The following TRRAP variants were observed in gnomAD, a reference collection of about 807,000 sequenced individuals.
TRRAP encodes transformation/transcription domain-associated protein.
Under a neutral mutation model 438.8 loss-of-function variants are expected in TRRAP, and 41 were observed. The observed-to-expected ratio is 0.09, with a 90% CI of 0.07 to 0.12. The LOEUF is 0.12. Among genes scored for constraint, TRRAP ranks in the 10% least tolerant of loss-of-function variants. TRRAP has a pLI of 1.00. For synonymous variants in TRRAP, 1,994 were observed against 1,962.9 expected (o/e 1.02, Z -0.42); for missense variants, 3,122 against 5,055.1 (o/e 0.62, Z 11.60).
intron 67 of TRRAP, among the ~76,000 whole-genome samples, chr7:98,997,178 C>T (rs1411578882): frequency 6.6e-6 from 1 of 151,698 alleles, no homozygotes; most frequent in Non-Finnish European, 1.5e-5. Context: ...TGGTGGCGTG[C>T]GCCTGTAATC....
chr7:99,012,276 A>T lies in TRRAP; in HGVS notation c.11543A>T (p.Lys3848Met). The T allele has an allele frequency of 6.2e-7, 1 of 1,613,784 alleles. No individual in the cohort carries two copies. The highest frequency in any genetic ancestry group is 2.2e-5 in the East Asian group (1 of 44,866). The change falls in exon 73 of 73, where the codon AAG becomes ATG. Residue 3848 changes from lysine (K) to methionine (M), a missense_variant. Physicochemically the swap from Lys to Met is moderately conservative, Grantham distance 95. This residue lies in a region of TRRAP where 192 missense variants were observed against 355.6 expected (regional missense o/e 0.54). Transcript: ENST00000456197. This position sits in a 1 kb window ranked among gnomAD's most constrained non-coding sequence, Gnocchi z 5.9. Reference sequence around the variant, plus strand: ...GCCCAGTTCGAAGGCGGGGAAAGCAAGGTGAACACCCTGGTGGCCGCGGCA... The same window carrying T: ...GCCCAGTTCGAAGGCGGGGAAAGCATGGTGAACACCCTGGTGGCCGCGGCA... ...NLAQFEGGESKVNTLVAAANS... is the reference protein window; with the variant it reads ...NLAQFEGGESMVNTLVAAANS...
At chr7:98,913,489 A>G (rs1789376873) in intron 18 of TRRAP, among the ~76,000 whole-genome samples, 1 of 151,914 alleles carries the variant, frequency 6.6e-6, no homozygotes, top group African/African-American at 2.4e-5. Context: ...GGGTTTCACC[A>G]TGTTGGCCAA....
At chr7:98,945,703 AATAAC>A (rs782286225) in intron 31 of TRRAP, 39 bp from the exon 32 acceptor site, 35 of 1,593,556 alleles carry the variant, frequency 2.2e-5, no homozygotes, top group Non-Finnish European at 3.0e-5. Flanking sequence ...TTTTTATGTA[AATAAC>A]ATAAATAGAA....
rs10692667 is a variant in TRRAP, at chr7:98,897,681, G to GTTTTTTT, written c.508-55_508-54insTTTTTTT. 475 of 1,431,544 alleles carry GTTTTTTT rather than the reference G, an allele frequency of 3.3e-4. 12 individuals are homozygous for GTTTTTTT. Among genetic ancestry groups the GTTTTTTT allele is most frequent in the Admixed American group, 8.8e-4 (36 of 40,846 alleles). 88.7% of individuals were successfully genotyped at this position (1,431,544 alleles called of 1,614,324 possible). On this transcript the variant is annotated intron_variant, in intron 7 of 72. Transcript: ENST00000456197. ...TTTTTGTTTTGTTTTGTTTTGTTTT[G>GTTTTTTT]TTTTTGAATGAATATTGGGTTTGAC...
At chr7:98,954,012 C>A (rs565322908) in intron 40 of TRRAP, among the ~76,000 whole-genome samples, 61 of 152,338 alleles carry the variant, frequency 4.0e-4, no homozygotes, top group African/African-American at 1.4e-3. Context: ...TCTGACATTC[C>A]ATGGCAGATG....
chr7:98,880,585 A>G (rs1554402901), intron 1 of TRRAP, among the ~76,000 whole-genome samples: 1 of 152,262 alleles, frequency 6.6e-6, no homozygotes, highest in East Asian at 1.9e-4. Context: ...TATACCGCCC[A>G]TGAGCTAAGA....
intron 67 of TRRAP, chr7:98,999,196 T>G: frequency 6.8e-7 from 1 of 1,464,560 alleles, no homozygotes; most frequent in East Asian, 2.3e-5. Context: ...GTCCTTCAGA[T>G]AGGCTTTGCA....
In TRRAP at chr7:98,956,681, G is replaced by A. The variant is rs1791633809; in HGVS notation, c.6231+148G>A. ...CACGGTCACCAGATTGAAACTCCAG[G>A]ACATGTCACTCATGCAAGGGGTTCC... On this transcript the variant is annotated intron_variant, in intron 43 of 72. Coordinates refer to ENST00000456197, the MANE Select transcript of TRRAP (RefSeq NM_001375524.1). The surrounding 1 kb of genome is among the most constrained non-coding windows in gnomAD (Gnocchi z 4.5). The A allele has an allele frequency of 3.0e-6, 4 of 1,346,538 alleles. No individual in the cohort carries two copies. The highest frequency in any genetic ancestry group is 4.0e-6 in the Non-Finnish European group (4 of 1,004,068). The allele number at this position is 1,346,538 out of a possible 1,614,324, so 83.4% of individuals were successfully genotyped here. A position where few individuals can be genotyped will look rare whatever the true frequency, so the allele number is the denominator to read the frequency against.
chr7:98,916,285 A>G (rs1789516091), intron 19 of TRRAP, among the ~76,000 whole-genome samples: 1 of 152,250 alleles, frequency 6.6e-6, no homozygotes, highest in Admixed American at 6.5e-5. Context: ...CAAAGTTGAG[A>G]CAGAGTTGAC....
Position 98,996,109 on chromosome 7 carries a change from C to T in TRRAP, c.10309+1261C>T, listed in dbSNP as rs77234106. 8.2e-3 allele frequency among the ~76,000 whole-genome samples: 1,239 copies of T among 151,824 alleles called. 10 individuals carry two copies. Among genetic ancestry groups the T allele is most frequent in the African/African-American group, 0.026 (1,063 of 41,376 alleles). On this transcript the variant is annotated intron_variant, in intron 67 of 72. Transcript: ENST00000456197. The stretch of plus-strand genomic sequence containing the variant: ...TCCTCATGTCCCATCTACACACCAA[C>T]GTCCCATCTACTTACCCTCATCCCA...
At chr7:98,924,452 A>G (rs1789938955) in intron 21 of TRRAP, among the ~76,000 whole-genome samples, 2 of 152,198 alleles carry the variant, frequency 1.3e-5, no homozygotes, top group Non-Finnish European at 1.5e-5. Context: ...GCGCCTGTCT[A>G]GAAATGTGCA....
In TRRAP at chr7:98,921,834, A is replaced by G; in HGVS notation, c.2704A>G (p.Asn902Asp). The G allele has an allele frequency of 6.2e-7, 1 of 1,614,204 alleles. No homozygotes were observed. The highest frequency in any genetic ancestry group is 1.1e-5 in the South Asian group (1 of 91,086). The change falls in exon 21 of 73, where the codon AAC (asparagine) becomes GAC (aspartate). Residue 902 changes from asparagine (N) to aspartate (D), a missense_variant. Physicochemically the swap from Asn to Asp is conservative, Grantham distance 23. Around this residue, in one of 24 missense-constraint regions of TRRAP, gnomAD observed 133 missense variants for 188.6 expected, o/e 0.71. Coordinates refer to ENST00000456197, the MANE Select transcript of TRRAP (RefSeq NM_001375524.1). The stretch of plus-strand genomic sequence containing the variant: ...TGTGCTCGGTAAGTTTGGCGGCAGT[A>G]ACAGGAAGATGCTGAAGGAGTCGCA... ...YRVLGKFGGS[N>D]RKMLKESQKL... is the part of the protein sequence containing the mutation.
intron 67 of TRRAP, among the ~76,000 whole-genome samples, chr7:98,997,244 T>C (rs529832861): frequency 2.7e-4 from 41 of 152,094 alleles, no homozygotes; most frequent in African/African-American, 9.9e-4. Flanking sequence ...AGACGGAGGT[T>C]GCAGTGAGCC....
chr7:98,926,558 T>C (rs967551850), intron 22 of TRRAP, among the ~76,000 whole-genome samples: 1 of 152,090 alleles, frequency 6.6e-6, no homozygotes, highest in African/African-American at 2.4e-5. Context: ...AAAACAGAAA[T>C]CTGCCACCAG....
chr7:98,941,416 T>TA (rs1554415560), intron 30 of TRRAP, among the ~76,000 whole-genome samples: 1 of 152,166 alleles, frequency 6.6e-6, no homozygotes, highest in Non-Finnish European at 1.5e-5. Flanking sequence ...CCTCAGTTGA[T>TA]CTGTACACCT....
chr7:98,947,000 G>C (rs1791111271), intron 33 of TRRAP, among the ~76,000 whole-genome samples: 1 of 152,264 alleles, frequency 6.6e-6, no homozygotes, highest in South Asian at 2.1e-4. Flanking sequence ...TCCATCTCCT[G>C]CTTTGCCTTT....
At chr7:98,967,842 T>G in intron 51 of TRRAP, 144 bp downstream of exon 51, 1 of 763,732 alleles carries the variant, frequency 1.3e-6, no homozygotes, top group South Asian at 1.9e-5. Flanking sequence ...AGGAAGAAAA[T>G]AAAGACTTCA....
chr7:99,010,368 G>A (rs1336587203), intron 70 of TRRAP, among the ~76,000 whole-genome samples: 3 of 152,278 alleles, frequency 2.0e-5, no homozygotes, highest in Non-Finnish European at 1.5e-5. Flanking sequence ...CCCATTTGAC[G>A]GATGAGGAAA....
intron 21 of TRRAP, among the ~76,000 whole-genome samples, chr7:98,922,653 C>T (rs1789854266): frequency 6.6e-6 from 1 of 152,154 alleles, no homozygotes; most frequent in Non-Finnish European, 1.5e-5. Flanking sequence ...CATCATCTAG[C>T]TGTTGTGTAT....
Sources: allele counts gnomAD v4.1 joint callset (sites outside exome capture counted in the v4.1 genomes callset), GRCh38; gene constraint gnomAD v4.1.1; regional missense constraint gnomAD v4.1.1; non-coding constraint Gnocchi (gnomAD v3.1); transcripts MANE v1.5; gene names NCBI Gene and HGNC (gene_info 2026-07-23, HGNC 2026-07-21).